STXBP4: variants seen among roughly 807,000 people sequenced by gnomAD.
The protein encoded by STXBP4 is syntaxin-binding protein 4.
Under a neutral mutation model 76.1 loss-of-function variants are expected in STXBP4, and 55 were observed. That is an observed-to-expected ratio of 0.72 (90% CI 0.58 to 0.91). STXBP4 has a LOEUF of 0.91. Among genes scored for constraint, STXBP4 ranks in the 40% least tolerant of loss-of-function variants. The pLI, the probability that STXBP4 is intolerant of heterozygous loss-of-function variation, is 0.00. For synonymous variants in STXBP4, 201 were observed against 220.2 expected, an observed-to-expected ratio of 0.91 and a Z score of 0.77; for missense variants, 618 against 636.9, an observed-to-expected ratio of 0.97 and a Z score of 0.32.
intron 15 of STXBP4, among the ~76,000 whole-genome samples, chr17:55,079,606 A>G (rs1032999842): frequency 6.6e-6 from 1 of 151,764 alleles, no homozygotes; most frequent in Non-Finnish European, 1.5e-5. Context: ...TACAAAAAAA[A>G]AAAAAAAAAG....
chr17:55,087,338 CT>C (rs746408733), intron 16 of STXBP4, among the ~76,000 whole-genome samples: 1 of 152,078 alleles, frequency 6.6e-6, no homozygotes, highest in African/African-American at 2.4e-5. Context: ...TTCATAAAAT[CT>C]TTTCCCAGAC....
rs769344668 is a variant in STXBP4 at position 54,992,414 on chromosome 17, C to CA, written c.180+1472dup. Among the ~76,000 whole-genome samples, 773 of 94,296 alleles carry CA rather than the reference C, an allele frequency of 8.2e-3. 4 individuals carry two copies. The highest frequency in any genetic ancestry group is 0.022 in the African/African-American group (542 of 24,838). 61.9% of individuals were successfully genotyped at this position (94,296 alleles called of 152,430 possible). A position where few individuals can be genotyped will look rare whatever the true frequency, so the allele number is the denominator to read the frequency against. On this transcript the variant is annotated intron_variant, in intron 4 of 17. Coordinates refer to ENST00000376352, the MANE Select transcript of STXBP4 (RefSeq NM_178509.6). The stretch of plus-strand genomic sequence containing the variant: ...TGGATGACAGAACAAGACCCTGTCT[C>CA]AAAAAAAAAAAAAAAGTATTATTTA...
chr17:55,004,102 G>C (rs541118665), intron 7 of STXBP4, among the ~76,000 whole-genome samples: 1 of 151,646 alleles, frequency 6.6e-6, no homozygotes, highest in East Asian at 1.9e-4. Context: ...TTGCTTCCTT[G>C]AACCCAGGAG....
At chr17:54,985,495 A>C (rs1174232712) in intron 1 of STXBP4, 119 bp from the exon 2 acceptor site, 1 of 152,206 alleles carries the variant, frequency 6.6e-6, no homozygotes, top group Non-Finnish European at 1.5e-5. Flanking sequence ...GTTCTTATGA[A>C]AAGGTGGTAA....
chr17:55,205,460 T>C, the STXBP4 span, among the ~76,000 whole-genome samples: 1 of 151,942 alleles, frequency 6.6e-6, no homozygotes, highest in Non-Finnish European at 1.5e-5. Flanking sequence ...ATAAAACTTG[T>C]ATAGGGCAAA....
chr17:55,184,947 C>G, the STXBP4 span, among the ~76,000 whole-genome samples: 13 of 152,298 alleles, frequency 8.5e-5, 1 homozygote, highest in East Asian at 2.5e-3. Context: ...TCACAGCTCA[C>G]TGCAGCCTTG....
At chr17:54,999,249 A>T (rs1350394624) in intron 4 of STXBP4, 96 bp from the exon 5 acceptor site, 1 of 941,288 alleles carries the variant, frequency 1.1e-6, no homozygotes. Context: ...TTTTGAAGGC[A>T]TTCTTCACGA....
At chr17:55,007,939 G>A (rs1437769472) in intron 8 of STXBP4, among the ~76,000 whole-genome samples, 1 of 152,100 alleles carries the variant, frequency 6.6e-6, no homozygotes, top group Non-Finnish European at 1.5e-5. Context: ...CTTCATAATG[G>A]CAATAAACAC....
chr17:55,067,908 G>C (rs1260668190), intron 12 of STXBP4, among the ~76,000 whole-genome samples: 1 of 152,086 alleles, frequency 6.6e-6, no homozygotes, highest in African/African-American at 2.4e-5. Context: ...GAGTCATGGA[G>C]GGGGAGTGAG....
chr17:54,985,808 G>A (rs1402216940), intron 2 of STXBP4, 117 bp downstream of exon 2: 3 of 157,618 alleles, frequency 1.9e-5, no homozygotes, highest in African/African-American at 7.2e-5. Context: ...ACTATTATGT[G>A]ATTTTTAAGC....
intron 16 of STXBP4, among the ~76,000 whole-genome samples, chr17:55,089,199 G>T (rs960554030): frequency 3.3e-5 from 5 of 152,210 alleles, no homozygotes; most frequent in Non-Finnish European, 5.9e-5. Flanking sequence ...GGATGTTGTT[G>T]TTGTTGTTGC....
At chr17:55,086,933 T>C (rs2079341492) in intron 16 of STXBP4, among the ~76,000 whole-genome samples, 1 of 152,200 alleles carries the variant, frequency 6.6e-6, no homozygotes, top group Non-Finnish European at 1.5e-5. Flanking sequence ...ATTTACTTTC[T>C]GTGTTTTTGA....
chr17:55,052,714 G>A (rs1392564831), intron 12 of STXBP4, among the ~76,000 whole-genome samples: 1 of 151,896 alleles, frequency 6.6e-6, no homozygotes, highest in Admixed American at 6.6e-5. Context: ...TGCTAAATGT[G>A]CTAAATGTTG....
the STXBP4 span, among the ~76,000 whole-genome samples, chr17:55,187,633 G>A: frequency 6.6e-6 from 1 of 152,106 alleles, no homozygotes; most frequent in African/African-American, 2.4e-5. Flanking sequence ...TCCTCCCAAG[G>A]TTGTGAGGCT....
intron 12 of STXBP4, among the ~76,000 whole-genome samples, chr17:55,066,457 C>G (rs1247367464): frequency 6.6e-6 from 1 of 152,118 alleles, no homozygotes; most frequent in African/African-American, 2.4e-5. Context: ...TTCCTGACCT[C>G]AGGTGATCCA....
At chr17:55,183,975 C>T in the STXBP4 span, among the ~76,000 whole-genome samples, 1 of 152,086 alleles carries the variant, frequency 6.6e-6, no homozygotes, top group Non-Finnish European at 1.5e-5. Context: ...ATCTGAACAA[C>T]ACATTTATAA....
intron 16 of STXBP4, among the ~76,000 whole-genome samples, chr17:55,099,779 G>A (rs921877352): frequency 2.6e-5 from 4 of 152,118 alleles, no homozygotes; most frequent in East Asian, 1.9e-4. Context: ...GCTGAAGCTC[G>A]GTATTGAAGT....
chr17:55,158,399 G>A (rs967181155), intron 17 of STXBP4, among the ~76,000 whole-genome samples: 53 of 152,150 alleles, frequency 3.5e-4, no homozygotes, highest in African/African-American at 1.2e-3. Context: ...GTTGAGTTTG[G>A]GGAGGACGAA....
intron 12 of STXBP4, among the ~76,000 whole-genome samples, chr17:55,072,296 C>T (rs201463539): frequency 3.3e-5 from 5 of 152,168 alleles, no homozygotes; most frequent in African/African-American, 9.7e-5. Flanking sequence ...AGAAAAGACA[C>T]GTGATGCACC....
Sources: allele counts gnomAD v4.1 joint callset (sites outside exome capture counted in the v4.1 genomes callset), GRCh38; gene constraint gnomAD v4.1.1; transcripts MANE v1.5; gene names NCBI Gene and HGNC (gene_info 2026-07-23, HGNC 2026-07-21).